Variants in FHIP1B observed in about 807,000 individuals in gnomAD.
The protein encoded by FHIP1B is FHF complex subunit HOOK interacting protein 1B.
FHIP1B carries 28 observed loss-of-function variants against 82.2 expected under a neutral mutation model. The observed-to-expected ratio is 0.34, with a 90% CI of 0.25 to 0.47. FHIP1B has a LOEUF of 0.47. FHIP1B is among the 20% of genes least tolerant of loss of function. The pLI is 1.00. For missense variants in FHIP1B, 1,110 were observed against 1,262.6 expected (o/e 0.88, Z 1.83); for synonymous variants, 585 against 516.1 (o/e 1.13, Z -1.81).
chr11:6,214,699 C>G (rs770183699), intron 10 of FHIP1B, 34 bp downstream of exon 10: 4 of 1,548,002 alleles, frequency 2.6e-6, no homozygotes, highest in Non-Finnish European at 3.5e-6. Context: ...CACCACGGAG[C>G]CTGGACGCAC....
chr11:6,221,093 T>C (rs962200301), intron 6 of FHIP1B, among the ~76,000 whole-genome samples: 8 of 152,220 alleles, frequency 5.3e-5, no homozygotes, highest in Admixed American at 5.2e-4. Flanking sequence ...TTGTTAGTTG[T>C]CATCTTCAAA....
chr11:6,213,380 C>G (rs995381828), intron 11 of FHIP1B, among the ~76,000 whole-genome samples: 2 of 152,218 alleles, frequency 1.3e-5, no homozygotes, highest in Non-Finnish European at 2.9e-5. Flanking sequence ...TTCCTCCTTG[C>G]TCTCTCCTCA....
chr11:6,212,621 T>C (rs1252077426), intron 11 of FHIP1B, among the ~76,000 whole-genome samples: 1 of 152,226 alleles, frequency 6.6e-6, no homozygotes, highest in Non-Finnish European at 1.5e-5. Flanking sequence ...GCCTCTAACA[T>C]TCTGCCTAGA....
In FHIP1B at chr11:6,222,345, T is replaced by C; in HGVS notation, c.1191+97A>G. The stretch of plus-strand genomic sequence containing the variant: ...TTAATTTTGAGGTGACTGCTGGAGA[T>C]ACAGGCAAAAGAAGGGCAGGAATAC... On this transcript the variant is annotated intron_variant, in intron 6 of 11. Transcript: ENST00000449352. 17 of 1,363,782 alleles carry C rather than the reference T, an allele frequency of 1.2e-5. No individual in the cohort carries two copies. In the South Asian group the frequency reaches 2.0e-4, roughly 16 times the overall value. 84.5% of individuals were successfully genotyped at this position (1,363,782 alleles called of 1,614,324 possible). A position where few individuals can be genotyped will look rare whatever the true frequency, so the allele number is the denominator to read the frequency against.
In FHIP1B at chr11:6,218,669, G is replaced by A. The variant is rs968714301; in HGVS notation, c.1366C>T (p.Leu456=). 6.2e-7 allele frequency: 1 copy of A among 1,614,056 alleles called. No homozygotes were observed. The highest frequency in any genetic ancestry group is 8.5e-7 in the Non-Finnish European group (1 of 1,180,040). ...TGGTGCCGACAACAGCGTGGGATTAGGGAGAGAAACTTGTCAGCTGCTCGT... is the reference window on the plus strand; with the variant it reads ...TGGTGCCGACAACAGCGTGGGATTAAGGAGAGAAACTTGTCAGCTGCTCGT... ...YGRAADKFLS[L]IPRCCRHHAP... is the part of the protein sequence containing the mutation. Residue 456 remains leucine, a synonymous_variant, in exon 8 of 12, where the codon CTA becomes TTA. Coordinates refer to ENST00000449352, the MANE Select transcript of FHIP1B (RefSeq NM_001098794.2).
intron 9 of FHIP1B, among the ~76,000 whole-genome samples, chr11:6,215,759 G>C (rs550331392): frequency 6.6e-6 from 1 of 152,326 alleles, no homozygotes; most frequent in African/African-American, 2.4e-5. Flanking sequence ...AGCTAAGCCA[G>C]ATCACCAGCA....
At position 6,217,852 on chromosome 11, in the gene FHIP1B, G is replaced by C; in HGVS notation, c.1734C>G (p.Gly578=). The C allele has an allele frequency of 6.2e-7, 1 of 1,613,822 alleles. No homozygotes were observed. The part of the protein sequence containing the change: ...ACRTWSAPYD[G]ERPSPEPSPF... The stretch of plus-strand genomic sequence containing the variant: ...GACTGGGCTCAGGAGAGGGCCGCTC[G>C]CCATCATAGGGGGCAGACCAGGTAC... The change falls in exon 9 of 12, where the codon GGC becomes GGG. Residue 578 remains glycine (G), a synonymous_variant. Transcript: ENST00000449352.
chr11:6,214,606 A>T, intron 10 of FHIP1B, 33 bp from the exon 11 acceptor site: 1 of 1,588,430 alleles, frequency 6.3e-7, no homozygotes, highest in Non-Finnish European at 8.6e-7. Context: ...ATTTCTGAGC[A>T]GCTCTAGACT....
intron 4 of FHIP1B, 75 bp from the exon 5 acceptor site, chr11:6,222,972 C>T (rs1254220803): frequency 1.3e-6 from 2 of 1,573,570 alleles, no homozygotes; most frequent in East Asian, 4.5e-5. Flanking sequence ...TAGTACACTA[C>T]AGAGAGGCAT....
intron 1 of FHIP1B, among the ~76,000 whole-genome samples, chr11:6,227,141 T>C (rs1217850418): frequency 6.6e-6 from 1 of 152,244 alleles, no homozygotes; most frequent in East Asian, 1.9e-4. Context: ...AACTCAAATA[T>C]GCTTTTGAAA....
rs779177087 is a variant in FHIP1B at position 6,223,038 on chromosome 11, TA to T, written c.936+41del. ...TCCAGGGAATATACCCCCTCCTACC[TA>T]ATCTCCCAAAAATGACCAAGGGCCA... On this transcript the variant is annotated intron_variant, in intron 4 of 11. Coordinates refer to ENST00000449352, the MANE Select transcript of FHIP1B (RefSeq NM_001098794.2). This position sits in a 1 kb window ranked among gnomAD's most constrained non-coding sequence, Gnocchi z 4.8. 1.3e-6 allele frequency: 2 copies of T among 1,572,764 alleles called. No individual in the cohort carries two copies. Among genetic ancestry groups the T allele is most frequent in the Non-Finnish European group, 1.7e-6 (2 of 1,160,946 alleles).
intron 1 of FHIP1B, among the ~76,000 whole-genome samples, chr11:6,226,191 T>A (rs1224843706): frequency 6.6e-6 from 1 of 152,182 alleles, no homozygotes; most frequent in Non-Finnish European, 1.5e-5. Flanking sequence ...AGATACTCTC[T>A]CACACAATTT....
chr11:6,212,628 T>C (rs1847104050), intron 11 of FHIP1B, among the ~76,000 whole-genome samples: 1 of 152,206 alleles, frequency 6.6e-6, no homozygotes, highest in African/African-American at 2.4e-5. Flanking sequence ...ACATTCTGCC[T>C]AGATTTCTGG....
Position 6,223,634 on chromosome 11 carries a change from G to A in FHIP1B, c.753C>T (p.Ile251=), listed in dbSNP as rs73395010. 122 of 1,603,796 alleles carry A rather than the reference G, an allele frequency of 7.6e-5. No individual in the cohort carries two copies. The African/African-American group carries it at 1.0e-3, about 14-fold the overall frequency. Residue 251 remains isoleucine (I), a synonymous_variant, in exon 3 of 12, where the codon ATC becomes ATT. Transcript: ENST00000449352. The surrounding 1 kb of genome is among the most constrained non-coding windows in gnomAD (Gnocchi z 4.8). ...CCGGGCAGAAGTAAGAGTGATCCGC[G>A]ATGTAGCGGCCCACAGTGGGGCTCC... ...SAGSPTVGRY[I]ADHSYFCPVL...
At chr11:6,217,327 T>A in intron 9 of FHIP1B, 44 bp downstream of exon 9, 1 of 1,558,990 alleles carries the variant, frequency 6.4e-7, no homozygotes, top group South Asian at 1.1e-5. Flanking sequence ...GTCGAGAACA[T>A]GCAAAGAGTA....
At chr11:6,218,885 A>G in intron 7 of FHIP1B, 86 bp downstream of exon 7, 1 of 1,559,002 alleles carries the variant, frequency 6.4e-7, no homozygotes, top group Non-Finnish European at 8.8e-7. Flanking sequence ...CTCATGAGTA[A>G]CCCCTATATA....
At position 6,211,703 on chromosome 11, in the gene FHIP1B, G is replaced by A. The variant is rs139429864; in HGVS notation, c.2722C>T (p.Arg908Trp). ...PGASTPVLLT[R>W]GGAPERQGEA... is the part of the protein sequence containing the mutation. ...CCTTGGCGTTCAGGGGCCCCGCCCC[G>A]GGTGAGTAGAACTGGAGTTGAAGCC... Residue 908 changes from arginine to tryptophan, a missense_variant, in exon 12 of 12, where the codon CGG becomes TGG. Coordinates refer to ENST00000449352, the MANE Select transcript of FHIP1B (RefSeq NM_001098794.2). The A allele has an allele frequency of 4.7e-5, 76 of 1,614,090 alleles. No individual in the cohort carries two copies. The highest frequency in any genetic ancestry group is 2.0e-4 in the Admixed American group (12 of 59,994).
rs1427946183 is a variant in FHIP1B, at chr11:6,217,448, C to A, written c.2138G>T (p.Cys713Phe). ...EEEEAYESFT[C>F]PPEPPGPFLS... ...GAAGGGGCCAGGGGGCTCAGGGGGACAGGTGAAGCTCTCGTAGGCCTCCTC... is the reference window on the plus strand; with the variant it reads ...GAAGGGGCCAGGGGGCTCAGGGGGAAAGGTGAAGCTCTCGTAGGCCTCCTC... The change falls in exon 9 of 12, where the codon TGT (cysteine) becomes TTT (phenylalanine). Residue 713 changes from cysteine to phenylalanine, a missense_variant. Cys to Phe is a radical substitution (Grantham distance 205). Coordinates refer to ENST00000449352, the MANE Select transcript of FHIP1B (RefSeq NM_001098794.2). 1.9e-6 allele frequency: 3 copies of A among 1,613,838 alleles called. No homozygotes were observed. Among genetic ancestry groups the A allele is most frequent in the African/African-American group, 1.3e-5 (1 of 74,998 alleles).
At chr11:6,214,342 A>T in intron 11 of FHIP1B, 69 bp downstream of exon 11, 1 of 1,492,482 alleles carries the variant, frequency 6.7e-7, no homozygotes, top group South Asian at 1.3e-5. Context: ...TCTTAATAAG[A>T]GCTCAATTAA....
Sources: gnomAD v4.1 joint callset for allele counts (sites outside exome capture counted in the v4.1 genomes callset) on GRCh38, gnomAD v4.1.1 for gene constraint, Gnocchi (gnomAD v3.1) non-coding constraint, MANE v1.5 for transcripts, NCBI Gene and HGNC (gene_info 2026-07-23, HGNC 2026-07-21) for gene names.